The following GPR33 variants were observed in gnomAD, a reference collection of about 807,000 sequenced individuals.
GPR33 encodes probable G protein-coupled receptor 33.
A neutral mutation model predicts 3.1 loss-of-function variants in GPR33; 4 were observed. That is an observed-to-expected ratio of 1.29 (90% CI 0.64 to 2.96). The LOEUF is 2.96. Ranked by LOEUF, GPR33 falls within the 30% of genes most tolerant of loss-of-function variation. GPR33 has a pLI of 0.01. For synonymous variants in GPR33, 138 were observed against 142.0 expected (o/e 0.97, Z 0.20); for missense variants, 390 against 388.9 (o/e 1.00, Z -0.02).
chr14:31,484,880 ATTGTGAAGTACC>A (rs902272829), intron 1 of GPR33, among the ~76,000 whole-genome samples: 3 of 152,134 alleles, frequency 2.0e-5, no homozygotes, highest in Non-Finnish European at 4.4e-5. Context: ...CCACTGCAAG[ATTGTGAAGTACC>A]TTCAGAATCA....
chr14:31,484,214 T>C (rs959989514), intron 1 of GPR33, among the ~76,000 whole-genome samples: 1 of 152,122 alleles, frequency 6.6e-6, no homozygotes, highest in Non-Finnish European at 1.5e-5. Flanking sequence ...ATGGATGAAA[T>C]GAAATAAATG....
intron 1 of GPR33, among the ~76,000 whole-genome samples, chr14:31,486,921 A>C (rs1402413101): frequency 6.6e-6 from 1 of 151,924 alleles, no homozygotes; most frequent in Non-Finnish European, 1.5e-5. Context: ...GTCTGTGATC[A>C]GTGTATGTGT....
chr14:31,483,307 A>T lies in GPR33; in HGVS notation c.659T>A (p.Ile220Asn). 3 of 1,536,146 alleles carry T rather than the reference A, an allele frequency of 2.0e-6. No individual in the cohort carries two copies. Among genetic ancestry groups the T allele is most frequent in the Non-Finnish European group, 2.6e-6 (3 of 1,146,910 alleles). ...FLLGFLLPFFIIIFCYERVAS... is the reference protein window; with the variant it reads ...FLLGFLLPFFNIIFCYERVAS... ...TACTCTTTCATAACAAAAGATGATG[A>T]TGAAGAAAGGCAGAAGAAAGCCCAG... is the stretch of plus-strand genomic sequence containing the variant. Residue 220 changes from isoleucine to asparagine, a missense_variant, in exon 2 of 2, where the codon ATC (isoleucine) becomes AAC (asparagine). Coordinates refer to ENST00000399285, the MANE Select transcript of GPR33 (RefSeq NM_001197184.3).
intron 1 of GPR33, among the ~76,000 whole-genome samples, chr14:31,487,432 G>GGT (rs2032430588): frequency 1.4e-5 from 1 of 70,380 alleles, no homozygotes; most frequent in Non-Finnish European, 2.5e-5. Context: ...AAGCCCCTCA[G>GGT]TTTTTTTTTT....
In GPR33 at chr14:31,483,291, A is replaced by C. The variant is rs781753348; in HGVS notation, c.675T>G (p.Tyr225Ter). The C allele has an allele frequency of 1.3e-6, 2 of 1,536,048 alleles. No individual in the cohort carries two copies. Among genetic ancestry groups the C allele is most frequent in the Non-Finnish European group, 8.7e-7 (1 of 1,146,926 alleles). The change falls in exon 2 of 2, where the codon TAT (tyrosine) becomes TAG (stop). Residue 225 changes from tyrosine (Y) to a stop codon, truncating the protein, a stop_gained. Transcript: ENST00000399285. LOFTEE classifies it high-confidence loss of function. The part of the protein sequence containing the change: ...LLPFFIIIFC[Y>*]ERVASKVKER... The stretch of plus-strand genomic sequence containing the variant: ...CTTTCACCTTGCTGGCTACTCTTTC[A>C]TAACAAAAGATGATGATGAAGAAAG...
At chr14:31,486,547 G>C (rs2032420933) in intron 1 of GPR33, among the ~76,000 whole-genome samples, 1 of 152,186 alleles carries the variant, frequency 6.6e-6, no homozygotes, top group Non-Finnish European at 1.5e-5. Context: ...TGAAGCATAT[G>C]AAATGGACAG....
chr14:31,483,570 G>C lies in GPR33; in HGVS notation c.396C>G (p.His132Gln), dbSNP rs1429815342. 4 of 1,536,048 alleles carry C rather than the reference G, an allele frequency of 2.6e-6. No homozygotes were observed. The highest frequency in any genetic ancestry group is 3.5e-6 in the Non-Finnish European group (4 of 1,146,934). The change falls in exon 2 of 2, where the codon CAC becomes CAG. Residue 132 changes from histidine (H) to glutamine (Q), a missense_variant. Coordinates refer to ENST00000399285, the MANE Select transcript of GPR33 (RefSeq NM_001197184.3). ...TTCGGTGCTGCTGGGACCACACTGG[G>C]TGAAGAGTGAGAAGGTAACGATCAA... Reference protein sequence around the residue: ...IGLDRYLLTLHPVWSQQHRTP... With the variant: ...IGLDRYLLTLQPVWSQQHRTP...
rs565960746 is a variant in GPR33 at position 31,483,321 on chromosome 14, A to G, written c.645T>C (p.Leu215=). 1.2e-3 allele frequency: 1,833 copies of G among 1,536,188 alleles called. 37 individuals carry two copies. The South Asian group carries it at 0.021, about 17-fold the overall frequency. Residue 215 remains leucine (L), a synonymous_variant, in exon 2 of 2, where the codon CTT becomes CTC. Coordinates refer to ENST00000399285, the MANE Select transcript of GPR33 (RefSeq NM_001197184.3). The stretch of plus-strand genomic sequence containing the variant: ...AAAAGATGATGATGAAGAAAGGCAG[A>G]AGAAAGCCCAGCAAGAAGCGGCTGA... ...CFISRFLLGF[L]LPFFIIIFCY... is the part of the protein sequence containing the mutation.
At chr14:31,486,623 A>G (rs1243685573) in intron 1 of GPR33, among the ~76,000 whole-genome samples, 1 of 152,200 alleles carries the variant, frequency 6.6e-6, no homozygotes, top group Non-Finnish European at 1.5e-5. Context: ...GACCTTAAGA[A>G]GAGGGTGGAA....
Position 31,483,973 on chromosome 14 carries a change from T to C in GPR33, c.-6-2A>G. 6.7e-7 allele frequency: 1 copy of C among 1,498,012 alleles called. No homozygotes were observed. Among genetic ancestry groups the C allele is most frequent in the Non-Finnish European group, 8.8e-7 (1 of 1,130,122 alleles). The allele number at this position is 1,498,012 out of a possible 1,614,324, so 92.8% of individuals were successfully genotyped here. On this transcript the variant is annotated splice_acceptor_variant, in intron 1 of 1. Transcript: ENST00000399285. LOFTEE classifies it low-confidence loss of function (5UTR_SPLICE). ...AGAGTTGATCAGATCCATAATGACC[T>C]GTGGAGTGAGAAACAGTGAAAATAA...
rs892188961 is a variant in GPR33, at chr14:31,483,306, G to A, written c.660C>T (p.Ile220=). 63 of 1,536,022 alleles carry A rather than the reference G, an allele frequency of 4.1e-5. No homozygotes were observed. The highest frequency in any genetic ancestry group is 5.2e-5 in the Non-Finnish European group (60 of 1,146,920). Residue 220 remains isoleucine, a synonymous_variant, in exon 2 of 2, where the codon ATC becomes ATT. Transcript: ENST00000399285. ...CTACTCTTTCATAACAAAAGATGAT[G>A]ATGAAGAAAGGCAGAAGAAAGCCCA... ...FLLGFLLPFF[I]IIFCYERVAS...
rs1451016968 is a variant in GPR33 at position 31,483,811 on chromosome 14, CATAG to C, written c.151_154del (p.Leu51GlyfsTer3). On this transcript the variant is annotated frameshift_variant, in exon 2 of 2. Transcript: ENST00000399285. LOFTEE classifies it low-confidence loss of function (END_TRUNC). ...CTGTTTCATCTTGAATCTTAGCACCCATAGATAGAGGCCATTGGTGATGGTACCA... is the reference window on the plus strand; with the variant it reads ...CTGTTTCATCTTGAATCTTAGCACCCATAGAGGCCATTGGTGATGGTACCA... 27 of 1,535,868 alleles carry C rather than the reference CATAG, an allele frequency of 1.8e-5. No individual in the cohort carries two copies. The highest frequency in any genetic ancestry group is 2.0e-5 in the Non-Finnish European group (23 of 1,146,862).
chr14:31,483,566 C>G lies in GPR33; in HGVS notation c.400G>C (p.Val134Leu), dbSNP rs761907439. 48 of 1,536,018 alleles carry G rather than the reference C, an allele frequency of 3.1e-5. No homozygotes were observed. The highest frequency in any genetic ancestry group is 4.1e-5 in the Non-Finnish European group (47 of 1,146,920). The change falls in exon 2 of 2, where the codon GTG (valine) becomes CTG (leucine). Residue 134 changes from valine to leucine, a missense_variant. Transcript: ENST00000399285. ...GGGGTTCGGTGCTGCTGGGACCACA[C>G]TGGGTGAAGAGTGAGAAGGTAACGA... ...LDRYLLTLHP[V>L]WSQQHRTPRW...
At chr14:31,487,275 C>A (rs1367718024) in intron 1 of GPR33, among the ~76,000 whole-genome samples, 2 of 151,892 alleles carry the variant, frequency 1.3e-5, no homozygotes, top group African/African-American at 4.8e-5. Context: ...TCCTTAAACA[C>A]CTTTAAAATG....
intron 1 of GPR33, among the ~76,000 whole-genome samples, chr14:31,487,123 C>T (rs1451383907): frequency 6.6e-6 from 1 of 151,964 alleles, no homozygotes; most frequent in Non-Finnish European, 1.5e-5. Flanking sequence ...CATCTGAGCT[C>T]TAGAAGGACA....
At chr14:31,484,018 A>G in intron 1 of GPR33, 47 bp from the exon 2 acceptor site, 1 of 1,399,014 alleles carries the variant, frequency 7.1e-7, no homozygotes, top group East Asian at 2.5e-5. Context: ...AAAGCAAAAG[A>G]AAAGGTTAAA....
chr14:31,483,322 A>T lies in GPR33; in HGVS notation c.644T>A (p.Leu215His). 2 of 1,536,186 alleles carry T rather than the reference A, an allele frequency of 1.3e-6. No homozygotes were observed. The highest frequency in any genetic ancestry group is 2.4e-5 in the South Asian group (2 of 84,064). Residue 215 changes from leucine to histidine, a missense_variant, in exon 2 of 2, where the codon CTT becomes CAT. Coordinates refer to ENST00000399285, the MANE Select transcript of GPR33 (RefSeq NM_001197184.3). ...CFISRFLLGF[L>H]LPFFIIIFCY... ...AAAGATGATGATGAAGAAAGGCAGA[A>T]GAAAGCCCAGCAAGAAGCGGCTGAT...
In GPR33 at chr14:31,483,311, A is replaced by G; in HGVS notation, c.655T>C (p.Phe219Leu). The change falls in exon 2 of 2, where the codon TTC becomes CTC. Residue 219 changes from phenylalanine (F) to leucine (L), a missense_variant. Coordinates refer to ENST00000399285, the MANE Select transcript of GPR33 (RefSeq NM_001197184.3). ...RFLLGFLLPFFIIIFCYERVA... is the reference protein window; with the variant it reads ...RFLLGFLLPFLIIIFCYERVA... ...CTTTCATAACAAAAGATGATGATGA[A>G]GAAAGGCAGAAGAAAGCCCAGCAAG... The G allele has an allele frequency of 1.3e-6, 2 of 1,536,166 alleles. No homozygotes were observed. Among genetic ancestry groups the G allele is most frequent in the Non-Finnish European group, 1.7e-6 (2 of 1,146,900 alleles).
chr14:31,483,641 A>C lies in GPR33; in HGVS notation c.325T>G (p.Ser109Ala). 6.5e-7 allele frequency: 1 copy of C among 1,536,184 alleles called. No homozygotes were observed. Residue 109 changes from serine to alanine, a missense_variant, in exon 2 of 2, where the codon TCT (serine) becomes GCT (alanine). Transcript: ENST00000399285. The stretch of plus-strand genomic sequence containing the variant: ...AAAACAGAGGTGAACATCCCCAGAG[A>C]CAAAGTGCCATTGAAGACCTTGCAC... ...ALCKVFNGTL[S>A]LGMFTSVFFL...
Sources: gnomAD v4.1 joint callset for allele counts (sites outside exome capture counted in the v4.1 genomes callset) on GRCh38, gnomAD v4.1.1 for gene constraint, MANE v1.5 for transcripts, NCBI Gene and HGNC (gene_info 2026-07-23, HGNC 2026-07-21) for gene names.